Variants in SH3YL1 observed in about 807,000 individuals in gnomAD.
The protein encoded by SH3YL1 is SH3 and SYLF domain containing 1.
Under a neutral mutation model 45.8 loss-of-function variants are expected in SH3YL1, and 41 were observed. That is an observed-to-expected ratio of 0.89 (90% CI 0.70 to 1.16). The LOEUF (loss-of-function observed/expected upper bound fraction) is 1.16. SH3YL1 is among the 50% of genes most tolerant of loss of function. The pLI is 0.00. For synonymous variants in SH3YL1, 152 were observed against 151.4 expected, an observed-to-expected ratio of 1.00 and a Z score of -0.03; for missense variants, 389 against 409.6, an observed-to-expected ratio of 0.95 and a Z score of 0.43.
At chr2:225,358 G>C (rs188326294) in intron 8 of SH3YL1, among the ~76,000 whole-genome samples, 52 of 152,280 alleles carry the variant, frequency 3.4e-4, no homozygotes, top group Non-Finnish European at 2.1e-4. Context: ...AGAACGGTCT[G>C]GGGGTTTGCT....
At position 247,601 on chromosome 2, in the gene SH3YL1, T is replaced by G. The variant is rs774447403; in HGVS notation, c.228A>C (p.Lys76Asn). ...GIVVARLPDGKWSAPSAIGIA... is the reference protein window; with the variant it reads ...GIVVARLPDGNWSAPSAIGIA... The stretch of plus-strand genomic sequence containing the variant: ...TCCCAATGGCTGAGGGTGCAGACCA[T>G]TCTAATAAAAAAACAAACGAACGTT... The change falls in exon 4 of 10, where the codon AAA (lysine) becomes AAC (asparagine). Residue 76 changes from lysine to asparagine, a missense_variant and splice_region_variant. Transcript: ENST00000356150. The G allele has an allele frequency of 1.1e-4, 168 of 1,549,640 alleles. No individual in the cohort carries two copies. The highest frequency in any genetic ancestry group is 7.1e-4 in the Admixed American group (36 of 50,448).
At position 233,263 on chromosome 2, in the gene SH3YL1, T is replaced by G. The variant is rs747023799; in HGVS notation, c.405-34A>C. 8 of 1,515,524 alleles carry G rather than the reference T, an allele frequency of 5.3e-6. No homozygotes were observed. The East Asian group carries it at 1.2e-4, about 22-fold the overall frequency. The allele number at this position is 1,515,524 out of a possible 1,614,324, so 93.9% of individuals were successfully genotyped here. A position where few individuals can be genotyped will look rare whatever the true frequency, so the allele number is the denominator to read the frequency against. On this transcript the variant is annotated intron_variant, in intron 5 of 9. Coordinates refer to ENST00000356150, the MANE Select transcript of SH3YL1 (RefSeq NM_015677.4). ...CACAAGATTTTGCATCACAAAGCTG[T>G]GAGCAGCTCCAAGCCGAGGATCACT...
chr2:235,259 T>G (rs1221678884), intron 4 of SH3YL1, among the ~76,000 whole-genome samples: 1 of 152,268 alleles, frequency 6.6e-6, no homozygotes, highest in Non-Finnish European at 1.5e-5. Context: ...GTGAAAGCAT[T>G]TGTTACTCAA....
chr2:249,313 C>T (rs1668970653), intron 3 of SH3YL1, among the ~76,000 whole-genome samples: 1 of 152,082 alleles, frequency 6.6e-6, no homozygotes, highest in African/African-American at 2.4e-5. Flanking sequence ...TATGATCTAC[C>T]ACAGAAACAA....
Position 218,712 on chromosome 2 carries a change from A to G in SH3YL1, c.*99T>C. ...CGGAATGGAAATTTTGTAGAACAGA[A>G]GTTTTTTAAAATTTATATTAAACAT... is the stretch of plus-strand genomic sequence containing the variant. On this transcript the variant is annotated 3_prime_UTR_variant, in exon 10 of 10. Transcript: ENST00000356150. The G allele has an allele frequency of 9.5e-7, 1 of 1,054,118 alleles. No homozygotes were observed. Among genetic ancestry groups the G allele is most frequent in the Non-Finnish European group, 1.3e-6 (1 of 753,524 alleles). 65.3% of individuals were successfully genotyped at this position (1,054,118 alleles called of 1,614,324 possible). A position where few individuals can be genotyped will look rare whatever the true frequency, so the allele number is the denominator to read the frequency against.
chr2:242,979 C>T (rs1668612055), intron 4 of SH3YL1: 1 of 650,310 alleles, frequency 1.5e-6, no homozygotes, highest in Non-Finnish European at 2.3e-6. Context: ...CATAGTAATA[C>T]ACATATATTT....
chr2:220,316 C>A (rs1232478130), intron 9 of SH3YL1, among the ~76,000 whole-genome samples: 3 of 151,990 alleles, frequency 2.0e-5, no homozygotes, highest in Admixed American at 1.3e-4. Context: ...TGCTACCATT[C>A]TTTCTTTAAA....
intron 4 of SH3YL1, among the ~76,000 whole-genome samples, chr2:235,623 T>G (rs1241331998): frequency 3.7e-4 from 13 of 35,394 alleles, no homozygotes; most frequent in Admixed American, 1.1e-3. Flanking sequence ...GGAGGCAGCA[T>G]GGGTCAGGGG....
At chr2:246,714 T>G (rs1414480643) in intron 4 of SH3YL1, among the ~76,000 whole-genome samples, 1 of 152,170 alleles carries the variant, frequency 6.6e-6, no homozygotes, top group African/African-American at 2.4e-5. Context: ...TGGTTGCACA[T>G]GGTACAAAAA....
At position 231,145 on chromosome 2, in the gene SH3YL1, T is replaced by C. The variant is rs924046127; in HGVS notation, c.580A>G (p.Thr194Ala). ...TCTTCGGCTTGAGCAGGCCGCGGTG[T>C]ATCTCCAAATAAAATGTCATAAGCT... The part of the protein sequence containing the change: ...IRAYDILFGD[T>A]PRPAQAEDLY... The change falls in exon 7 of 10, where the codon ACA becomes GCA. Residue 194 changes from threonine (T) to alanine (A), a missense_variant. Physicochemically the swap from Thr to Ala is moderately conservative, Grantham distance 58. Transcript: ENST00000356150. 1 of 1,613,920 alleles carries C rather than the reference T, an allele frequency of 6.2e-7. No homozygotes were observed. The highest frequency in any genetic ancestry group is 1.3e-5 in the African/African-American group (1 of 75,038).
At chr2:263,886 C>T (rs1669715561) in intron 1 of SH3YL1, 98 bp downstream of exon 1, 1 of 1,045,848 alleles carries the variant, frequency 9.6e-7, no homozygotes, top group Non-Finnish European at 1.4e-6. Context: ...CTAGAAACCC[C>T]AGAGGCATCG....
chr2:224,937 G>C lies in SH3YL1; in HGVS notation c.782-17C>G, dbSNP rs1157958024. 2 of 1,604,988 alleles carry C rather than the reference G, an allele frequency of 1.2e-6. No individual in the cohort carries two copies. The highest frequency in any genetic ancestry group is 1.7e-6 in the Non-Finnish European group (2 of 1,171,860). ...TTCTGTTACCTGCCAAAAAAGAGGA[G>C]AGTGGTGATTTTGAAAACTGATTAG... On this transcript the variant is annotated splice_polypyrimidine_tract_variant and intron_variant, in intron 8 of 9. Transcript: ENST00000356150.
chr2:218,671 C>A lies in SH3YL1; in HGVS notation c.*140G>T. 3 of 701,630 alleles carry A rather than the reference C, an allele frequency of 4.3e-6. No individual in the cohort carries two copies. Among genetic ancestry groups the A allele is most frequent in the South Asian group, 2.4e-5 (1 of 41,186 alleles). The allele number at this position is 701,630 out of a possible 1,614,324, so 43.5% of individuals were successfully genotyped here. Reference sequence around the variant, plus strand: ...AGTCAGCTCTTTTTATATAGAAAAACAAAATCTTTTACATACGGAATGGAA... The same window carrying A: ...AGTCAGCTCTTTTTATATAGAAAAAAAAAATCTTTTACATACGGAATGGAA... On this transcript the variant is annotated 3_prime_UTR_variant, in exon 10 of 10. Coordinates refer to ENST00000356150, the MANE Select transcript of SH3YL1 (RefSeq NM_015677.4).
rs1352637093 is a variant in SH3YL1 at position 224,800 on chromosome 2, T to C, written c.838+64A>G. The C allele has an allele frequency of 2.0e-5, 23 of 1,172,156 alleles. No individual in the cohort carries two copies. In the Admixed American group the frequency reaches 2.8e-4, roughly 14 times the overall value. 72.6% of individuals were successfully genotyped at this position (1,172,156 alleles called of 1,614,324 possible). On this transcript the variant is annotated intron_variant, in intron 9 of 9. Coordinates refer to ENST00000356150, the MANE Select transcript of SH3YL1 (RefSeq NM_015677.4). ...AGATTTTCATAACCTGTCAGATTAA[T>C]TAGGAAGTTTGTGATCACAAAATGA... is the stretch of plus-strand genomic sequence containing the variant.
In SH3YL1 at chr2:218,386, G is replaced by A. The variant is rs9213; in HGVS notation, c.*425C>T. On this transcript the variant is annotated 3_prime_UTR_variant, in exon 10 of 10. Coordinates refer to ENST00000356150, the MANE Select transcript of SH3YL1 (RefSeq NM_015677.4). ...GATTTATATTCTAGTTAATACCTAC[G>A]ACTCTAAACATTACTTAATACCTCA... 47,160 of 154,306 alleles carry A rather than the reference G, an allele frequency of 0.31. 7,511 individuals are homozygous for A. Among genetic ancestry groups the A allele is most frequent in the Non-Finnish European group, 0.35 (24,453 of 69,698 alleles). 9.6% of individuals were successfully genotyped at this position (154,306 alleles called of 1,614,324 possible).
At chr2:250,562 C>T (rs140264821) in intron 2 of SH3YL1, among the ~76,000 whole-genome samples, 113 of 152,206 alleles carry the variant, frequency 7.4e-4, no homozygotes, top group Middle Eastern at 3.4e-3. Context: ...TGTGAATTTA[C>T]GACACAATAA....
chr2:230,109 A>T, intron 7 of SH3YL1, 65 bp from the exon 8 acceptor site: 2 of 1,272,614 alleles, frequency 1.6e-6, no homozygotes, highest in Non-Finnish European at 2.2e-6. Context: ...GGCACATATA[A>T]CTCTTTTCTA....
chr2:254,737 A>G (rs903981540), intron 1 of SH3YL1, among the ~76,000 whole-genome samples: 1 of 152,200 alleles, frequency 6.6e-6, no homozygotes, highest in Non-Finnish European at 1.5e-5. Context: ...CTCCCTCACA[A>G]TTTGATCACA....
At chr2:264,246 A>T, upstream of SH3YL1, 1 of 455,470 alleles carries the variant, frequency 2.2e-6, no homozygotes. Flanking sequence ...GGCGGCTCCA[A>T]GCACGGTGTT....
Sources: allele counts gnomAD v4.1 joint callset (sites outside exome capture counted in the v4.1 genomes callset), GRCh38; gene constraint gnomAD v4.1.1; transcripts MANE v1.5; gene names NCBI Gene and HGNC (gene_info 2026-07-23, HGNC 2026-07-21).